Variants in MOB3B observed in about 807,000 individuals in gnomAD.
MOB3B encodes the protein MOB kinase activator 3B, also known as MOB kinase activator-like 2B.
In MOB3B, 7 loss-of-function variants were observed where a neutral mutation model predicts 18.7. That is an observed-to-expected ratio of 0.37 (90% CI 0.21 to 0.70). The LOEUF (loss-of-function observed/expected upper bound fraction) is 0.70. MOB3B is among the 30% of genes least tolerant of loss of function. The pLI is 0.52. For synonymous variants in MOB3B, 111 were observed against 99.9 expected (o/e 1.11, Z -0.66); for missense variants, 253 against 281.3 (o/e 0.90, Z 0.72).
chr9:27,408,596 G>A (rs562133935), intron 2 of MOB3B, among the ~76,000 whole-genome samples: 2 of 152,264 alleles, frequency 1.3e-5, no homozygotes, highest in Admixed American at 1.3e-4. Flanking sequence ...TGTAGCTACA[G>A]GACCTACCAT....
At chr9:27,414,881 T>G (rs1485543988) in intron 2 of MOB3B, among the ~76,000 whole-genome samples, 1 of 152,134 alleles carries the variant, frequency 6.6e-6, no homozygotes, top group African/African-American at 2.4e-5. Flanking sequence ...TTTTAATTTT[T>G]TTTTTTGAGA....
intron 1 of MOB3B, among the ~76,000 whole-genome samples, chr9:27,460,972 C>A (rs1177520526): frequency 1.3e-5 from 2 of 152,212 alleles, no homozygotes; most frequent in African/African-American, 4.8e-5. Flanking sequence ...TCACTGCCAA[C>A]TCACTGAGGC....
At chr9:27,339,001 G>A (rs1029398679) in intron 3 of MOB3B, among the ~76,000 whole-genome samples, 3 of 152,108 alleles carry the variant, frequency 2.0e-5, no homozygotes, top group African/African-American at 7.2e-5. Context: ...CTGCTTTCCC[G>A]GACCATTCCC....
chr9:27,438,914 C>T (rs1255927687), intron 2 of MOB3B, among the ~76,000 whole-genome samples: 1 of 152,108 alleles, frequency 6.6e-6, no homozygotes, highest in East Asian at 1.9e-4. Context: ...AGGAACCTAC[C>T]ACTGACCTTA....
chr9:27,366,209 G>C (rs1163371159), intron 2 of MOB3B, among the ~76,000 whole-genome samples: 2 of 152,268 alleles, frequency 1.3e-5, no homozygotes, highest in East Asian at 3.9e-4. Flanking sequence ...GTTTATGAAT[G>C]TGTCTAACCA....
chr9:27,482,235 G>C (rs534698099), intron 1 of MOB3B, among the ~76,000 whole-genome samples: 1 of 152,232 alleles, frequency 6.6e-6, no homozygotes, highest in South Asian at 2.1e-4. Flanking sequence ...AACATTAAAG[G>C]ACGGGAAAAA....
intron 2 of MOB3B, among the ~76,000 whole-genome samples, chr9:27,380,146 C>A (rs993666145): frequency 1.3e-5 from 2 of 152,150 alleles, no homozygotes; most frequent in African/African-American, 4.8e-5. Context: ...TCTATGGGCC[C>A]CCACTAGCAG....
chr9:27,417,668 G>A (rs1440181570), intron 2 of MOB3B, among the ~76,000 whole-genome samples: 1 of 152,020 alleles, frequency 6.6e-6, no homozygotes, highest in African/African-American at 2.4e-5. Flanking sequence ...AGCAGCAAAG[G>A]GATGGTGAAA....
At chr9:27,504,374 C>G (rs1036910164) in intron 1 of MOB3B, among the ~76,000 whole-genome samples, 2 of 152,206 alleles carry the variant, frequency 1.3e-5, no homozygotes, top group African/African-American at 4.8e-5. Flanking sequence ...CAACCCTGTT[C>G]AAATTTCAGT....
chr9:27,422,007 T>C (rs1199795342), intron 2 of MOB3B, among the ~76,000 whole-genome samples: 3 of 152,230 alleles, frequency 2.0e-5, no homozygotes, highest in Non-Finnish European at 4.4e-5. Context: ...TAGTCTTTAT[T>C]GTTCTCTGCT....
chr9:27,486,990 G>A (rs1793518226), intron 1 of MOB3B, among the ~76,000 whole-genome samples: 1 of 152,070 alleles, frequency 6.6e-6, no homozygotes, highest in South Asian at 2.1e-4. Flanking sequence ...AATTAGCTGG[G>A]TGTGGTGTCA....
At chr9:27,512,745 C>T (rs191476298) in intron 1 of MOB3B, among the ~76,000 whole-genome samples, 2 of 152,300 alleles carry the variant, frequency 1.3e-5, no homozygotes, top group Admixed American at 1.3e-4. Context: ...CTCTCATCTA[C>T]ATTTAGTAAA....
chr9:27,423,276 G>T (rs999045721), intron 2 of MOB3B, among the ~76,000 whole-genome samples: 5 of 152,220 alleles, frequency 3.3e-5, no homozygotes, highest in Admixed American at 3.3e-4. Context: ...TGAATGAACT[G>T]CTAAACATTA....
chr9:27,481,017 G>C (rs1183113771), intron 1 of MOB3B, among the ~76,000 whole-genome samples: 2 of 151,990 alleles, frequency 1.3e-5, no homozygotes, highest in Non-Finnish European at 2.9e-5. Context: ...AAATAAGAAG[G>C]GTGTTATTCA....
chr9:27,454,114 T>C (rs887058350), intron 2 of MOB3B, among the ~76,000 whole-genome samples: 2 of 152,200 alleles, frequency 1.3e-5, no homozygotes, highest in African/African-American at 4.8e-5. Context: ...TCAATCAATG[T>C]ATACATTTTT....
At chr9:27,455,061 A>G in intron 2 of MOB3B, 72 bp downstream of exon 2, 1 of 1,538,548 alleles carries the variant, frequency 6.5e-7, no homozygotes, top group Non-Finnish European at 9.0e-7. Flanking sequence ...TAGCATTCAA[A>G]GGCAGTCTGC....
chr9:27,385,472 G>A (rs372508362), intron 2 of MOB3B, among the ~76,000 whole-genome samples: 1 of 152,104 alleles, frequency 6.6e-6, no homozygotes, highest in African/African-American at 2.4e-5. Context: ...GAGGTGTCAG[G>A]GTGGTGAGGG....
intron 2 of MOB3B, among the ~76,000 whole-genome samples, chr9:27,415,231 A>G (rs115330325): frequency 0.02 from 3,022 of 152,306 alleles, 87 homozygotes; most frequent in African/African-American, 0.066. Context: ...TGTGCATAAT[A>G]TGTAAAGACA....
intron 1 of MOB3B, among the ~76,000 whole-genome samples, chr9:27,471,602 C>A (rs1819472243): frequency 6.6e-6 from 1 of 152,206 alleles, no homozygotes; most frequent in Admixed American, 6.5e-5. Context: ...CCTCTTCTTC[C>A]ATTTCTGTAA....
Sources: gnomAD v4.1 joint callset for allele counts (sites outside exome capture counted in the v4.1 genomes callset) on GRCh38, gnomAD v4.1.1 for gene constraint, MANE v1.5 for transcripts, NCBI Gene and HGNC (gene_info 2026-07-23, HGNC 2026-07-21) for gene names.